The following SOX5 variants were observed in gnomAD, a reference collection of about 807,000 sequenced individuals.
SOX5 encodes SRY-box transcription factor 5, also known as transcription factor SOX-5.
Under a neutral mutation model 92.0 loss-of-function variants are expected in SOX5, and 9 were observed. That is an observed-to-expected ratio of 0.10 (90% confidence interval 0.06 to 0.17). The LOEUF is 0.17. Among genes scored for constraint, SOX5 ranks in the 10% least tolerant of loss-of-function variants. The pLI is 1.00. For synonymous variants in SOX5, 344 were observed against 336.3 expected (o/e 1.02, Z -0.25); for missense variants, 642 against 944.5 (o/e 0.68, Z 4.20).
intron 4 of SOX5, among the ~76,000 whole-genome samples, chr12:24,201,817 C>T (rs1010803532): frequency 2.3e-4 from 35 of 152,134 alleles, no homozygotes; most frequent in African/African-American, 7.5e-4. Flanking sequence ...CGATACTGTG[C>T]CCCTTACTTC....
chr12:23,730,068 C>T (rs2093332877), intron 6 of SOX5, among the ~76,000 whole-genome samples: 1 of 152,034 alleles, frequency 6.6e-6, no homozygotes, highest in African/African-American at 2.4e-5. Flanking sequence ...TGAATCAGGT[C>T]AAGATGAACC....
chr12:24,339,163 C>CCCCCCACACACA (rs141671017), intron 2 of SOX5, among the ~76,000 whole-genome samples: 2 of 140,382 alleles, frequency 1.4e-5, no homozygotes, highest in South Asian at 2.5e-4. Context: ...TCTCTCTCTG[C>CCCCCCACACACA]CACACACACA....
intron 3 of SOX5, among the ~76,000 whole-genome samples, chr12:23,791,710 A>G (rs2095477944): frequency 6.6e-6 from 1 of 152,080 alleles, no homozygotes; most frequent in Non-Finnish European, 1.5e-5. Context: ...TTGATCACCC[A>G]CTTACTTTGT....
intron 9 of SOX5, among the ~76,000 whole-genome samples, chr12:23,601,281 T>A (rs1297644431): frequency 6.6e-6 from 1 of 152,140 alleles, no homozygotes; most frequent in East Asian, 1.9e-4. Flanking sequence ...TGTGTCCCTC[T>A]CTAGAGTTCT....
intron 2 of SOX5, among the ~76,000 whole-genome samples, chr12:24,281,160 C>T (rs1945143640): frequency 6.8e-6 from 1 of 148,094 alleles, no homozygotes; most frequent in Non-Finnish European, 1.5e-5. Flanking sequence ...TGAGAGAATA[C>T]TAGCAACAGG....
At chr12:24,362,625 T>C (rs1436062861) in intron 2 of SOX5, among the ~76,000 whole-genome samples, 2 of 152,084 alleles carry the variant, frequency 1.3e-5, no homozygotes, top group Admixed American at 1.3e-4. Context: ...CACAAATTAG[T>C]GCATAGTACA....
chr12:23,688,479 C>G lies in SOX5; in HGVS notation c.811-22915G>C, dbSNP rs151139171. Among the ~76,000 whole-genome samples, 385 of 152,158 alleles carry G rather than the reference C, an allele frequency of 2.5e-3. 3 individuals carry two copies. Among genetic ancestry groups the G allele is most frequent in the Non-Finnish European group, 1.6e-3 (111 of 67,970 alleles). ...AAATAATTTCATTAGATTCACCTGA[C>G]TGCATAGCAATAATAAAAATTAATG... On this transcript the variant is annotated intron_variant, in intron 6 of 14. Transcript: ENST00000451604.
chr12:24,013,020 T>C (rs1465204920), intron 4 of SOX5, among the ~76,000 whole-genome samples: 3 of 152,160 alleles, frequency 2.0e-5, no homozygotes, highest in Non-Finnish European at 4.4e-5. Context: ...TCAAAAATTG[T>C]GTCTTATCCA....
At chr12:23,596,203 T>G (rs563905839) in intron 9 of SOX5, among the ~76,000 whole-genome samples, 2 of 152,334 alleles carry the variant, frequency 1.3e-5, no homozygotes, top group East Asian at 1.9e-4. Context: ...CCAACCCTCA[T>G]GTCTACCTCT....
chr12:23,617,818 C>T lies in SOX5; in HGVS notation c.1018-13285G>A, dbSNP rs1231024330. ...AACATTTTGACTTTTATAATTGAAG[C>T]AGTTCCTTAAAGAACCAGATATATT... is the stretch of plus-strand genomic sequence containing the variant. On this transcript the variant is annotated intron_variant, in intron 8 of 14. Transcript: ENST00000451604. Among the ~76,000 whole-genome samples the T allele has an allele frequency of 1.3e-4, 20 of 152,220 alleles. No individual in the cohort carries two copies. In the East Asian group the frequency reaches 3.3e-3, roughly 25 times the overall value.
intron 1 of SOX5, among the ~76,000 whole-genome samples, chr12:24,377,758 G>A (rs1216149958): frequency 6.6e-6 from 1 of 152,140 alleles, no homozygotes; most frequent in African/African-American, 2.4e-5. Flanking sequence ...TAAAGTCTGA[G>A]AAACAATAAT....
intron 4 of SOX5, among the ~76,000 whole-genome samples, chr12:24,120,966 T>C (rs1427478193): frequency 6.6e-6 from 1 of 152,198 alleles, no homozygotes; most frequent in Non-Finnish European, 1.5e-5. Flanking sequence ...GATCTCCAGA[T>C]TCCCATGGTC....
chr12:24,184,320 A>AAACAACTATT (rs2139322876), intron 4 of SOX5, among the ~76,000 whole-genome samples: 1 of 152,316 alleles, frequency 6.6e-6, no homozygotes, highest in Admixed American at 6.5e-5. Context: ...AATCTTAGAG[A>AAACAACTATT]AACAACTATT....
chr12:24,504,131 T>C (rs868163499), intron 1 of SOX5, among the ~76,000 whole-genome samples: 64 of 152,208 alleles, frequency 4.2e-4, no homozygotes, highest in African/African-American at 1.5e-3. Flanking sequence ...ATATAATTAA[T>C]AATTACTCAA....
At chr12:24,478,142 G>T (rs1355188008) in intron 1 of SOX5, among the ~76,000 whole-genome samples, 1 of 152,112 alleles carries the variant, frequency 6.6e-6, no homozygotes, top group African/African-American at 2.4e-5. Flanking sequence ...TATTGAAAAA[G>T]CTTTTAAATT....
intron 1 of SOX5, among the ~76,000 whole-genome samples, chr12:23,936,857 T>G (rs899725018): frequency 6.6e-6 from 1 of 151,054 alleles, no homozygotes; most frequent in African/African-American, 2.4e-5. Flanking sequence ...ATTCTTTCTT[T>G]GAACCTATGT....
At chr12:23,869,791 T>C (rs2096853850) in intron 2 of SOX5, among the ~76,000 whole-genome samples, 1 of 152,142 alleles carries the variant, frequency 6.6e-6, no homozygotes, top group Admixed American at 6.5e-5. Context: ...CTATTCTTCT[T>C]CTGTCAGAAA....
intron 2 of SOX5, among the ~76,000 whole-genome samples, chr12:23,876,223 T>G (rs915741436): frequency 3.3e-5 from 5 of 152,088 alleles, no homozygotes; most frequent in African/African-American, 1.2e-4. Context: ...TTGCAATCTA[T>G]CCACCTGACA....
intron 1 of SOX5, among the ~76,000 whole-genome samples, chr12:24,558,528 T>C (rs1451743887): frequency 2.0e-5 from 3 of 152,220 alleles, no homozygotes; most frequent in Non-Finnish European, 4.4e-5. Flanking sequence ...TCTGCCCTTC[T>C]ACTGAGCCTT....
Sources: allele counts gnomAD v4.1 joint callset (sites outside exome capture counted in the v4.1 genomes callset), GRCh38; gene constraint gnomAD v4.1.1; transcripts MANE v1.5; gene names NCBI Gene and HGNC (gene_info 2026-07-23, HGNC 2026-07-21).